SPATA13: variants seen among roughly 807,000 people sequenced by gnomAD.
The protein encoded by SPATA13 is spermatogenesis-associated protein 13.
SPATA13 carries 50 observed loss-of-function variants against 104.0 expected under a neutral mutation model. That is an observed-to-expected ratio of 0.48 (90% CI 0.38 to 0.61). The LOEUF (loss-of-function observed/expected upper bound fraction) is 0.61, where lower values mean the gene tolerates loss of function less well. SPATA13 is among the 20% of genes least tolerant of loss of function. SPATA13 has a pLI of 0.00. For missense variants in SPATA13, 1,524 were observed against 1,690.6 expected, an observed-to-expected ratio of 0.90 and a Z score of 1.73; for synonymous variants, 606 against 667.5, an observed-to-expected ratio of 0.91 and a Z score of 1.42.
intron 3 of SPATA13, among the ~76,000 whole-genome samples, chr13:24,056,537 C>T (rs910872620): frequency 1.3e-5 from 2 of 152,178 alleles, no homozygotes; most frequent in African/African-American, 4.8e-5. Context: ...TTGACTGTTT[C>T]TTCTCTTCTG....
chr13:24,224,541 A>G lies in SPATA13; in HGVS notation c.1612A>G (p.Ile538Val). 1 of 1,543,716 alleles carries G rather than the reference A, an allele frequency of 6.5e-7. No homozygotes were observed. Among genetic ancestry groups the G allele is most frequent in the Non-Finnish European group, 8.7e-7 (1 of 1,146,940 alleles). Reference protein sequence around the residue: ...DEGSKDLLVNIGVAAGPEEKE... With the variant: ...DEGSKDLLVNVGVAAGPEEKE... Reference sequence around the variant, plus strand: ...GGGCAGCAAGGACCTTCTGGTGAACATTGGTGTGGCAGCCGGCCCAGAAGA... The same window carrying G: ...GGGCAGCAAGGACCTTCTGGTGAACGTTGGTGTGGCAGCCGGCCCAGAAGA... The change falls in exon 2 of 13, where the codon ATT (isoleucine) becomes GTT (valine). Residue 538 changes from isoleucine to valine, a missense_variant. Ile to Val is a conservative substitution (Grantham distance 29). Transcript: ENST00000382108.
At chr13:24,214,440 T>A (rs572755761) in intron 1 of SPATA13, among the ~76,000 whole-genome samples, 43 of 152,318 alleles carry the variant, frequency 2.8e-4, no homozygotes, top group African/African-American at 9.1e-4. Context: ...TGATGAGAAT[T>A]TTCTCTTTAC....
chr13:24,044,136 T>C (rs9580841), intron 3 of SPATA13, among the ~76,000 whole-genome samples: 68,323 of 151,880 alleles, frequency 0.45, 16,261 homozygotes, highest in African/African-American at 0.6. Context: ...TGCCTGAGCC[T>C]GGCCCGGGGC....
chr13:24,012,681 C>T (rs1338788024), intron 2 of SPATA13, among the ~76,000 whole-genome samples: 5 of 152,238 alleles, frequency 3.3e-5, no homozygotes, highest in South Asian at 2.1e-4. Flanking sequence ...GTGTGGTGGG[C>T]GGGGTGCAGG....
At chr13:24,301,757 C>G (rs918836803) in intron 12 of SPATA13, among the ~76,000 whole-genome samples, 4 of 152,196 alleles carry the variant, frequency 2.6e-5, no homozygotes, top group African/African-American at 7.2e-5. Context: ...TACACAGTTA[C>G]GTTTTAATCT....
intron 3 of SPATA13, among the ~76,000 whole-genome samples, chr13:24,031,519 C>T (rs1050795365): frequency 8.5e-5 from 13 of 152,112 alleles, no homozygotes; most frequent in Admixed American, 2.0e-4. Flanking sequence ...GGAATTACTG[C>T]CAAGATTTAA....
chr13:23,983,280 T>C (rs577126362), intron 1 of SPATA13, among the ~76,000 whole-genome samples: 2 of 152,314 alleles, frequency 1.3e-5, no homozygotes, highest in African/African-American at 4.8e-5. Flanking sequence ...AACTGCCTTC[T>C]TACTGCGTCT....
At position 24,108,024 on chromosome 13, in the gene SPATA13, A is replaced by G. The variant is rs75525874; in HGVS notation, c.-112+90323A>G. On this transcript the variant is annotated intron_variant, in intron 3 of 14. Coordinates refer to the SPATA13 transcript ENST00000424834. ...CTCAGTTCTGGAGTCTGGGAGACCA[A>G]GATCAGGGCACTGGTAGGCTCGGTG... Among the ~76,000 whole-genome samples the G allele has an allele frequency of 8.5e-3, 1,289 of 152,358 alleles. 21 individuals are homozygous for G. Among genetic ancestry groups the G allele is most frequent in the African/African-American group, 0.029 (1,211 of 41,588 alleles).
chr13:24,144,058 C>G (rs952278352), intron 3 of SPATA13, among the ~76,000 whole-genome samples: 10 of 152,144 alleles, frequency 6.6e-5, no homozygotes, highest in African/African-American at 2.4e-4. Context: ...CACCACACCC[C>G]CGACTGTGAA....
chr13:24,123,554 A>G (rs1331661803), intron 3 of SPATA13: 1 of 1,611,040 alleles, frequency 6.2e-7, no homozygotes, highest in Admixed American at 1.7e-5. Context: ...GAATCTGGTA[A>G]CAAAATCCTA....
intron 3 of SPATA13, among the ~76,000 whole-genome samples, chr13:24,100,339 T>C (rs1242447272): frequency 2.6e-5 from 4 of 152,168 alleles, no homozygotes; most frequent in Non-Finnish European, 5.9e-5. Flanking sequence ...GAGGAGGAAA[T>C]ACTTTCCACT....
intron 3 of SPATA13, among the ~76,000 whole-genome samples, chr13:24,140,350 C>A (rs1053911186): frequency 6.6e-6 from 1 of 152,136 alleles, no homozygotes; most frequent in Non-Finnish European, 1.5e-5. Flanking sequence ...TAGTTTGTTG[C>A]CCCAGCAGAC....
chr13:24,185,724 G>GT (rs34688488), intron 1 of SPATA13, among the ~76,000 whole-genome samples: 32,369 of 148,388 alleles, frequency 0.22, 4,650 homozygotes, highest in African/African-American at 0.41. Flanking sequence ...AATAGATGCA[G>GT]TTTTTTTTTT....
chr13:24,294,909 C>T, intron 10 of SPATA13, 41 bp downstream of exon 10: 1 of 1,580,560 alleles, frequency 6.3e-7, no homozygotes, highest in South Asian at 1.1e-5. Flanking sequence ...GCCACTCGCC[C>T]TTCCCGCACC....
At chr13:24,042,167 T>C (rs9551044) in intron 3 of SPATA13, among the ~76,000 whole-genome samples, 1 of 152,002 alleles carries the variant, frequency 6.6e-6, no homozygotes, top group African/African-American at 2.4e-5. Context: ...GACCACCTAG[T>C]GTGGGTTGTG....
chr13:24,217,882 TCAAGTCACC>T (rs1871345775), intron 1 of SPATA13, among the ~76,000 whole-genome samples: 1 of 151,876 alleles, frequency 6.6e-6, no homozygotes, highest in Non-Finnish European at 1.5e-5. Context: ...CCCCCAACCC[TCAAGTCACC>T]TCCCACCACC....
At chr13:24,016,673 C>T (rs1566073518) in intron 2 of SPATA13, among the ~76,000 whole-genome samples, 3 of 152,224 alleles carry the variant, frequency 2.0e-5, no homozygotes, top group Admixed American at 6.5e-5. Context: ...CTCTCAGTTT[C>T]CTGAGCTGCG....
chr13:24,226,545 C>T (rs2138618302), intron 2 of SPATA13, among the ~76,000 whole-genome samples: 1 of 152,232 alleles, frequency 6.6e-6, no homozygotes, highest in East Asian at 1.9e-4. Flanking sequence ...AGTAATATTA[C>T]CTTACATAGC....
At position 24,287,600 on chromosome 13, in the gene SPATA13, C is replaced by T. The variant is rs539410722; in HGVS notation, c.2667+650C>T. On this transcript the variant is annotated intron_variant, in intron 7 of 12. Transcript: ENST00000382108. ...AAAGGTTTGTCACTATCTGCAACCC[C>T]GCTGCATCTAATCACCAACTGACAG... Among the ~76,000 whole-genome samples the T allele has an allele frequency of 3.9e-4, 59 of 152,310 alleles. No individual in the cohort carries two copies. In the South Asian group the frequency reaches 8.5e-3, roughly 22 times the overall value.
Sources: allele counts gnomAD v4.1 joint callset (sites outside exome capture counted in the v4.1 genomes callset), GRCh38; gene constraint gnomAD v4.1.1; transcripts MANE v1.5; gene names NCBI Gene and HGNC (gene_info 2026-07-23, HGNC 2026-07-21).